PTPRS: variants seen among roughly 807,000 people sequenced by gnomAD.
PTPRS encodes the protein protein tyrosine phosphatase receptor type S, also known as receptor-type tyrosine-protein phosphatase S.
A neutral mutation model predicts 215.3 loss-of-function variants in PTPRS; 63 were observed. The observed-to-expected ratio is 0.29, with a 90% confidence interval of 0.24 to 0.36. The LOEUF is 0.36. Ranked by LOEUF, PTPRS falls within the 10% of genes least tolerant of loss-of-function variation. The pLI, the probability that PTPRS is intolerant of heterozygous loss-of-function variation, is 1.00. For missense variants in PTPRS, 2,258 were observed against 2,825.8 expected, an observed-to-expected ratio of 0.80 and a Z score of 4.56; for synonymous variants, 1,404 against 1,191.4, an observed-to-expected ratio of 1.18 and a Z score of -3.68.
In PTPRS at chr19:5,238,923, C is replaced by G; in HGVS notation, c.1845G>C (p.Gln615His). Residue 615 changes from glutamine to histidine, a missense_variant, in exon 13 of 38, where the codon CAG (glutamine) becomes CAC (histidine). Coordinates refer to ENST00000262963, the MANE Select transcript of PTPRS (RefSeq NM_002850.4). Reference protein sequence around the residue: ...FTPVVRQRTLQSKPSAPPQDV... With the variant: ...FTPVVRQRTLHSKPSAPPQDV... ...GCGGCCCCGCGAGACACCTACTGGACTGCAGCGTGCGCTGCCGCACCACGG... is the reference window on the plus strand; with the variant it reads ...GCGGCCCCGCGAGACACCTACTGGAGTGCAGCGTGCGCTGCCGCACCACGG... The G allele has an allele frequency of 6.2e-7, 1 of 1,604,440 alleles. No individual in the cohort carries two copies.
At chr19:5,298,842 C>G (rs966425609) in intron 1 of PTPRS, among the ~76,000 whole-genome samples, 2 of 152,230 alleles carry the variant, frequency 1.3e-5, no homozygotes, top group Admixed American at 6.5e-5. Context: ...CATGTCTTCC[C>G]CAACTCTGCT....
chr19:5,333,902 G>C (rs562634545), intron 1 of PTPRS, among the ~76,000 whole-genome samples: 53 of 152,322 alleles, frequency 3.5e-4, no homozygotes, highest in African/African-American at 1.2e-3. Flanking sequence ...CGCACACCAT[G>C]CTTGTCAACC....
At position 5,231,538 on chromosome 19, in the gene PTPRS, G is replaced by A. The variant is rs1033036953; in HGVS notation, c.1927C>T (p.Pro643Ser). The change falls in exon 14 of 38, where the codon CCG becomes TCG. Residue 643 changes from proline (P) to serine (S), a missense_variant. Pro to Ser is a moderately conservative substitution (Grantham distance 74, BLOSUM62 -1). This residue lies in a region of PTPRS where 371 missense variants were observed against 446.7 expected (regional missense o/e 0.83). Coordinates refer to ENST00000262963, the MANE Select transcript of PTPRS (RefSeq NM_002850.4). The part of the protein sequence containing the change: ...TAILVSWRPP[P>S]PETHNGALVG... ...AGGGCCCCGTTGTGCGTTTCCGGCG[G>A]CGGCGGGCGCCAACTTACCAAAATG... The A allele has an allele frequency of 1.2e-6, 2 of 1,610,788 alleles. No individual in the cohort carries two copies. Among genetic ancestry groups the A allele is most frequent in the South Asian group, 1.1e-5 (1 of 90,936 alleles).
At chr19:5,274,391 T>A in intron 2 of PTPRS, 47 bp from the exon 3 acceptor site, 1 of 1,575,128 alleles carries the variant, frequency 6.3e-7, no homozygotes, top group Non-Finnish European at 8.7e-7. Context: ...GGTCCAGGCA[T>A]CTGGCTAGGA....
At chr19:5,229,375 G>A (rs779192350) in intron 15 of PTPRS, 33 bp from the exon 16 acceptor site, 3 of 1,373,816 alleles carry the variant, frequency 2.2e-6, no homozygotes, top group East Asian at 2.8e-5. Flanking sequence ...GGGGAGAGAG[G>A]AGGAAGGTGA....
chr19:5,228,401 A>C (rs2042711279), intron 16 of PTPRS, among the ~76,000 whole-genome samples: 1 of 144,950 alleles, frequency 6.9e-6, no homozygotes, highest in Non-Finnish European at 1.5e-5. Flanking sequence ...GCTGGACCGC[A>C]GTGGTGCCAT....
At chr19:5,320,461 G>A (rs1057176846) in intron 1 of PTPRS, among the ~76,000 whole-genome samples, 4 of 152,142 alleles carry the variant, frequency 2.6e-5, no homozygotes, top group East Asian at 1.9e-4. Context: ...GACGGAGTTC[G>A]CTCTGTCCCC....
At chr19:5,274,603 C>T (rs563571743) in intron 2 of PTPRS, among the ~76,000 whole-genome samples, 1,203 of 43,094 alleles carry the variant, frequency 0.028, 26 homozygotes, top group African/African-American at 0.093. Context: ...ACAGTGGATA[C>T]AACCTCACCT....
rs976959665 is a variant in PTPRS at position 5,206,195 on chromosome 19, C to T, written c.*579G>A. On this transcript the variant is annotated 3_prime_UTR_variant, in exon 38 of 38. Transcript: ENST00000262963. ...GTCTTTGAACAGAATATGAATAAGC[C>T]AAAGTTAGTTCTCTTTGAAAGTCAT... 4.6e-5 allele frequency among the ~76,000 whole-genome samples: 7 copies of T among 150,930 alleles called. No homozygotes were observed. Among genetic ancestry groups the T allele is most frequent in the African/African-American group, 1.7e-4 (7 of 40,930 alleles).
At chr19:5,308,133 C>T (rs556517698) in intron 1 of PTPRS, among the ~76,000 whole-genome samples, 9 of 152,274 alleles carry the variant, frequency 5.9e-5, no homozygotes, top group African/African-American at 2.2e-4. Context: ...CATTCTCTGG[C>T]CAGAACAACA....
At chr19:5,303,758 T>C (rs1256220400) in intron 1 of PTPRS, among the ~76,000 whole-genome samples, 1 of 151,964 alleles carries the variant, frequency 6.6e-6, no homozygotes, top group Non-Finnish European at 1.5e-5. Flanking sequence ...AAGACCAGCC[T>C]GGCCAACATG....
At chr19:5,213,051 T>C (rs1386473260) in intron 30 of PTPRS, among the ~76,000 whole-genome samples, 1 of 152,162 alleles carries the variant, frequency 6.6e-6, no homozygotes, top group African/African-American at 2.4e-5. Flanking sequence ...TGGCCACAGC[T>C]TGGGAGTCAC....
intron 26 of PTPRS, among the ~76,000 whole-genome samples, chr19:5,215,908 C>A (rs1044312927): frequency 6.6e-6 from 1 of 152,106 alleles, no homozygotes; most frequent in Non-Finnish European, 1.5e-5. Flanking sequence ...GGTGCAGGGG[C>A]TGGCAGAAGG....
Position 5,206,141 on chromosome 19 carries a change from G to A in PTPRS, c.*633C>T, listed in dbSNP as rs2040350092. On this transcript the variant is annotated 3_prime_UTR_variant, in exon 38 of 38. Transcript: ENST00000262963. ...GTTTGCGAACGTAACTATCACACAA[G>A]GACGCTTTCTACAGTGAAAAAATAG... Among the ~76,000 whole-genome samples the A allele has an allele frequency of 2.0e-5, 3 of 147,106 alleles. No individual in the cohort carries two copies. Among genetic ancestry groups the A allele is most frequent in the Non-Finnish European group, 4.4e-5 (3 of 67,444 alleles).
At chr19:5,301,687 C>T (rs1049603632) in intron 1 of PTPRS, among the ~76,000 whole-genome samples, 15 of 152,068 alleles carry the variant, frequency 9.9e-5, no homozygotes, top group Non-Finnish European at 1.3e-4. Context: ...CAAGCGCATC[C>T]TCCCCCTCTA....
At chr19:5,320,175 G>C (rs1434326312) in intron 1 of PTPRS, among the ~76,000 whole-genome samples, 1 of 152,216 alleles carries the variant, frequency 6.6e-6, no homozygotes, top group Non-Finnish European at 1.5e-5. Context: ...TGGCAAGCCA[G>C]GCCCCTGCCC....
At chr19:5,255,551 T>C (rs543982263) in intron 9 of PTPRS, among the ~76,000 whole-genome samples, 150 of 149,694 alleles carry the variant, frequency 1.0e-3, no homozygotes, top group Middle Eastern at 3.4e-3. Flanking sequence ...ATTTGATTTT[T>C]TCCCCCCAAA....
intron 1 of PTPRS, among the ~76,000 whole-genome samples, chr19:5,315,151 A>G (rs1261345116): frequency 6.6e-6 from 1 of 151,748 alleles, no homozygotes; most frequent in Non-Finnish European, 1.5e-5. Context: ...CACTTCTTAG[A>G]TCAGCCACCG....
Position 5,206,593 on chromosome 19 carries a change from C to T in PTPRS, c.*181G>A, listed in dbSNP as rs565975858. 3.5e-5 allele frequency: 19 copies of T among 539,194 alleles called. No homozygotes were observed. Among genetic ancestry groups the T allele is most frequent in the South Asian group, 2.2e-4 (10 of 44,594 alleles). The allele number at this position is 539,194 out of a possible 1,614,324, so 33.4% of individuals were successfully genotyped here. ...GCCGGTGCCAGGGAGGTCGCTGGGGCGGCCGGGGCCGGTGGGGGGGCTCGA... is the reference window on the plus strand; with the variant it reads ...GCCGGTGCCAGGGAGGTCGCTGGGGTGGCCGGGGCCGGTGGGGGGGCTCGA... On this transcript the variant is annotated 3_prime_UTR_variant, in exon 38 of 38. Transcript: ENST00000262963.
Sources: allele counts gnomAD v4.1 joint callset (sites outside exome capture counted in the v4.1 genomes callset), GRCh38; gene constraint gnomAD v4.1.1; regional missense constraint gnomAD v4.1.1; transcripts MANE v1.5; gene names NCBI Gene and HGNC (gene_info 2026-07-23, HGNC 2026-07-21).